The following LIFR variants were observed in gnomAD, a reference collection of about 807,000 sequenced individuals.
The protein encoded by LIFR is LIF receptor subunit alpha.
In LIFR, 84 loss-of-function variants were observed where a neutral mutation model predicts 122.2. That is an observed-to-expected ratio of 0.69 (90% CI 0.58 to 0.82). The LOEUF is 0.82. Ranked by LOEUF, LIFR falls within the 40% of genes least tolerant of loss-of-function variation. LIFR has a pLI of 0.00. For missense variants in LIFR, 1,294 were observed against 1,311.6 expected, an observed-to-expected ratio of 0.99 and a Z score of 0.21; for synonymous variants, 422 against 434.7, an observed-to-expected ratio of 0.97 and a Z score of 0.36.
At chr5:38,515,799 C>G (rs760563781) in intron 5 of LIFR, among the ~76,000 whole-genome samples, 2 of 152,036 alleles carry the variant, frequency 1.3e-5, no homozygotes, top group Non-Finnish European at 2.9e-5. Context: ...GGGAGCAGTG[C>G]CTGGTGAGCT....
chr5:38,570,634 A>G (rs1229280628), intron 1 of LIFR, among the ~76,000 whole-genome samples: 1 of 152,224 alleles, frequency 6.6e-6, no homozygotes, highest in Non-Finnish European at 1.5e-5. Flanking sequence ...TTTAGAACTT[A>G]GAGTTCACCT....
rs1745334290 is a variant in LIFR at position 38,504,257 on chromosome 5, TG to T, written c.1292-137del. On this transcript the variant is annotated intron_variant, in intron 9 of 19. Transcript: ENST00000453190. ...CCAACAACATCCTACCCAGTATTTGTGGAATTGACAAACCTAATTTCTACTA... is the reference window on the plus strand; with the variant it reads ...CCAACAACATCCTACCCAGTATTTGTGAATTGACAAACCTAATTTCTACTA... 4 of 643,000 alleles carry T rather than the reference TG, an allele frequency of 6.2e-6. No individual in the cohort carries two copies. In the South Asian group the frequency reaches 7.5e-5, roughly 12 times the overall value. The allele number at this position is 643,000 out of a possible 1,614,324, so 39.8% of individuals were successfully genotyped here.
At chr5:38,570,666 A>G (rs1402998443) in intron 1 of LIFR, among the ~76,000 whole-genome samples, 1 of 152,236 alleles carries the variant, frequency 6.6e-6, no homozygotes, top group Non-Finnish European at 1.5e-5. Flanking sequence ...CAAGAAAACA[A>G]AGAGATTCAG....
In LIFR at chr5:38,583,545, AAC is replaced by A. The variant is rs562405191; in HGVS notation, c.-20+11714_-20+11715del. On this transcript the variant is annotated intron_variant, in intron 1 of 19. Coordinates refer to the LIFR transcript ENST00000263409. The stretch of plus-strand genomic sequence containing the variant: ...ACAGACTGGGAAAAAGTACTTGCAA[AAC>A]ACGTATCTGATAAGGGGTTAATACC... Among the ~76,000 whole-genome samples the A allele has an allele frequency of 1.8e-3, 281 of 152,354 alleles. 1 individual carries two copies. Among genetic ancestry groups the A allele is most frequent in the African/African-American group, 6.1e-3 (254 of 41,592 alleles).
chr5:38,523,275 C>A, intron 5 of LIFR, 144 bp downstream of exon 5: 1 of 641,892 alleles, frequency 1.6e-6, no homozygotes, highest in Non-Finnish European at 2.8e-6. Flanking sequence ...TTAAATCATG[C>A]ATGATGTTTT....
upstream of LIFR, chr5:38,557,065 C>T (rs1173584171): frequency 6.6e-6 from 1 of 152,406 alleles, no homozygotes; most frequent in Non-Finnish European, 1.5e-5. Flanking sequence ...TTCGCCGCCT[C>T]TGTAACCACT....
rs760123640 is a variant in LIFR, at chr5:38,527,190, G to C, written c.362C>G (p.Ser121Cys). The C allele has an allele frequency of 1.3e-6, 2 of 1,592,182 alleles. No individual in the cohort carries two copies. Among genetic ancestry groups the C allele is most frequent in the Admixed American group, 1.7e-5 (1 of 59,238 alleles). The change falls in exon 4 of 20, where the codon TCT becomes TGT. Residue 121 changes from serine (S) to cysteine (C), a missense_variant. Ser to Cys is a moderately radical substitution (Grantham distance 112). Transcript: ENST00000453190. ...TTCATTTAGTGTGAATTTACTTGTA[G>C]AACTTCCAAAATCATGTAGAGAATT... ...TINSLHDFGS[S>C]TSKFTLNEQN...
In LIFR at chr5:38,530,663, A is replaced by G. The variant is rs192311148; in HGVS notation, c.-16T>C. 49 of 1,613,616 alleles carry G rather than the reference A, an allele frequency of 3.0e-5. No individual in the cohort carries two copies. The African/African-American group carries it at 6.5e-4, about 22-fold the overall frequency. The stretch of plus-strand genomic sequence containing the variant: ...TATCCATCATCTGTGCAATGCAGTC[A>G]GTCCTAGGTTAGGAGAGGAATTCCA... On this transcript the variant is annotated 5_prime_UTR_variant, in exon 2 of 20. Transcript: ENST00000453190.
intron 1 of LIFR, among the ~76,000 whole-genome samples, chr5:38,569,065 T>C (rs1749121246): frequency 6.6e-6 from 1 of 152,220 alleles, no homozygotes; most frequent in African/African-American, 2.4e-5. Flanking sequence ...GCATTCCCAG[T>C]GACTTGGATA....
At chr5:38,590,832 G>T (rs533018788) in intron 1 of LIFR, among the ~76,000 whole-genome samples, 80 of 152,278 alleles carry the variant, frequency 5.3e-4, no homozygotes, top group African/African-American at 1.8e-3. Flanking sequence ...CAAACCCGGG[G>T]ATCTGACACC....
intron 1 of LIFR, among the ~76,000 whole-genome samples, chr5:38,564,432 G>A (rs1032302233): frequency 6.6e-6 from 1 of 151,388 alleles, no homozygotes; most frequent in African/African-American, 2.4e-5. Flanking sequence ...TGCCAGGCTT[G>A]TCTCAAACTC....
In LIFR at chr5:38,592,204, G is replaced by A. The variant is rs1303376761; in HGVS notation, c.-20+3057C>T. ...GGCCTTGTAGTTTTTGCCAAATAAA[G>A]CATTAGTTATGTAACTCTACTCTGT... On this transcript the variant is annotated intron_variant, in intron 1 of 19. Coordinates refer to the LIFR transcript ENST00000263409. 3.3e-5 allele frequency among the ~76,000 whole-genome samples: 5 copies of A among 151,960 alleles called. No individual in the cohort carries two copies. The East Asian group carries it at 7.7e-4, about 23-fold the overall frequency.
chr5:38,546,174 G>A (rs543113204), intron 1 of LIFR, among the ~76,000 whole-genome samples: 1 of 152,236 alleles, frequency 6.6e-6, no homozygotes, highest in African/African-American at 2.4e-5. Context: ...CTCAAGTTAT[G>A]GTTCATCCAG....
At chr5:38,527,444 A>G (rs577708228) in intron 3 of LIFR, 150 bp from the exon 4 acceptor site, 1 of 607,588 alleles carries the variant, frequency 1.6e-6, no homozygotes, top group African/African-American at 1.9e-5. Flanking sequence ...AAGACTGAAA[A>G]AACAGATTGA....
chr5:38,501,696 G>A (rs1482734947), intron 11 of LIFR, among the ~76,000 whole-genome samples: 7 of 151,922 alleles, frequency 4.6e-5, no homozygotes, highest in Non-Finnish European at 1.0e-4. Flanking sequence ...AGCCGAGATC[G>A]CGCCATTGCA....
chr5:38,488,389 G>T (rs1383008268), intron 16 of LIFR, among the ~76,000 whole-genome samples: 1 of 152,156 alleles, frequency 6.6e-6, no homozygotes, highest in Non-Finnish European at 1.5e-5. Flanking sequence ...CTGAGGCGAG[G>T]TCATCCAGGG....
intron 1 of LIFR, chr5:38,530,950 G>A: frequency 3.1e-6 from 1 of 326,838 alleles, no homozygotes; most frequent in Non-Finnish European, 5.7e-6. Flanking sequence ...TAAGCACATG[G>A]CTATCAACTC....
At chr5:38,605,853 G>A (rs1021656675) in intron 2 of LIFR, among the ~76,000 whole-genome samples, 6 of 152,056 alleles carry the variant, frequency 3.9e-5, no homozygotes, top group Admixed American at 6.6e-5. Flanking sequence ...GAGTTGTCCC[G>A]CCTTTCCAGA....
At chr5:38,555,116 G>C (rs1010833556) in intron 1 of LIFR, 7 of 152,178 alleles carry the variant, frequency 4.6e-5, no homozygotes, top group African/African-American at 1.7e-4. Flanking sequence ...ACTCCCTAAT[G>C]AAGTTTCCAA....
Sources: allele counts gnomAD v4.1 joint callset (sites outside exome capture counted in the v4.1 genomes callset), GRCh38; gene constraint gnomAD v4.1.1; transcripts MANE v1.5; gene names NCBI Gene and HGNC (gene_info 2026-07-23, HGNC 2026-07-21).